Variants in CHD9 observed in about 807,000 individuals in gnomAD.
CHD9 encodes the protein ATP-dependent chromatin remodeler CHD9.
Under a neutral mutation model 316.1 loss-of-function variants are expected in CHD9, and 77 were observed. That is an observed-to-expected ratio of 0.24 (90% CI 0.20 to 0.29). The LOEUF is 0.29. Among genes scored for constraint, CHD9 ranks in the 10% least tolerant of loss-of-function variants. The probability of loss-of-function intolerance (pLI) is 1.00; values close to 1 mark genes in which losing one functional copy is unlikely to be tolerated. For missense variants in CHD9, 2,763 were observed against 3,438.1 expected (o/e 0.80, Z 4.91); for synonymous variants, 1,129 against 1,158.3 (o/e 0.97, Z 0.51).
intron 1 of CHD9, among the ~76,000 whole-genome samples, chr16:53,103,797 C>A (rs1385689457): frequency 4.6e-5 from 7 of 152,044 alleles, no homozygotes; most frequent in Non-Finnish European, 1.0e-4. Context: ...GCTTTTGTAC[C>A]CCTCTTTACC....
At chr16:53,209,358 G>T in intron 2 of CHD9, 124 bp from the exon 3 acceptor site, 1 of 661,834 alleles carries the variant, frequency 1.5e-6, no homozygotes, top group Non-Finnish European at 2.5e-6. Context: ...TTTGTTTGTA[G>T]CACTCACATA....
intron 1 of CHD9, among the ~76,000 whole-genome samples, chr16:53,126,980 G>A (rs922499627): frequency 3.6e-4 from 55 of 150,948 alleles, no homozygotes; most frequent in African/African-American, 1.3e-3. Flanking sequence ...CACCCAGCCA[G>A]GTCTCACTTT....
At chr16:53,211,790 T>C (rs972594811) in intron 3 of CHD9, among the ~76,000 whole-genome samples, 2 of 152,178 alleles carry the variant, frequency 1.3e-5, no homozygotes, top group African/African-American at 4.8e-5. Context: ...AAGGCATAGT[T>C]GGAATAAATG....
chr16:53,075,859 A>G (rs1242864884), intron 1 of CHD9, among the ~76,000 whole-genome samples: 1 of 152,192 alleles, frequency 6.6e-6, no homozygotes, highest in African/African-American at 2.4e-5. Context: ...CCACAGGTAT[A>G]GCTTTTTTAC....
chr16:53,092,025 A>G (rs534323078), intron 1 of CHD9, among the ~76,000 whole-genome samples: 2 of 152,194 alleles, frequency 1.3e-5, no homozygotes, highest in African/African-American at 4.8e-5. Context: ...ATTAAAATGC[A>G]TAGGGCATGT....
chr16:53,067,860 G>A (rs771469560), intron 1 of CHD9, among the ~76,000 whole-genome samples: 11 of 151,698 alleles, frequency 7.3e-5, no homozygotes, highest in Non-Finnish European at 1.3e-4. Context: ...CAGGAGTTTG[G>A]GACTAGCCTG....
intron 12 of CHD9, among the ~76,000 whole-genome samples, chr16:53,241,486 T>C (rs2049090814): frequency 1.3e-5 from 2 of 152,216 alleles, no homozygotes; most frequent in African/African-American, 4.8e-5. Flanking sequence ...TTTCCTAAAT[T>C]CCAGAGTCAT....
At chr16:53,190,831 G>A (rs2044418636) in intron 2 of CHD9, among the ~76,000 whole-genome samples, 1 of 151,964 alleles carries the variant, frequency 6.6e-6, no homozygotes, top group Non-Finnish European at 1.5e-5. Flanking sequence ...ATTTTACTTT[G>A]TAGTCAAATA....
Position 53,209,453 on chromosome 16 carries a change from T to G in CHD9, c.1453-29T>G, listed in dbSNP as rs752305176. 7 of 1,443,674 alleles carry G rather than the reference T, an allele frequency of 4.8e-6. No individual in the cohort carries two copies. The African/African-American group carries it at 8.6e-5, about 18-fold the overall frequency. The allele number at this position is 1,443,674 out of a possible 1,614,324, so 89.4% of individuals were successfully genotyped here. On this transcript the variant is annotated intron_variant, in intron 2 of 38. Coordinates refer to ENST00000447540, the MANE Select transcript of CHD9 (RefSeq NM_001308319.2). ...ATTGTTTTAGATGTACTTTGGTATATTCTATAAAAAATATTTTTGTTTCTG... is the reference window on the plus strand; with the variant it reads ...ATTGTTTTAGATGTACTTTGGTATAGTCTATAAAAAATATTTTTGTTTCTG...
chr16:53,322,978 A>G (rs2057373507), intron 38 of CHD9, among the ~76,000 whole-genome samples: 1 of 152,184 alleles, frequency 6.6e-6, no homozygotes, highest in South Asian at 2.1e-4. Context: ...GAGAAAAAAT[A>G]AGTTGATTCA....
At chr16:53,131,116 C>T (rs1597083139) in intron 1 of CHD9, 1 of 34,548 alleles carries the variant, frequency 2.9e-5, no homozygotes, top group Non-Finnish European at 6.2e-5. Flanking sequence ...GGAGGAAGCC[C>T]GGGGGCACCG....
rs772807076 is a variant in CHD9, at chr16:53,315,052, A to G, written c.7584+8A>G. The G allele has an allele frequency of 6.3e-7, 1 of 1,585,632 alleles. No homozygotes were observed. Among genetic ancestry groups the G allele is most frequent in the African/African-American group, 1.4e-5 (1 of 73,932 alleles). ...TTGGGAGCTTTTATTCCTGTAGGTG[A>G]CACCTTAAAATTCTTGTTATATTTT... On this transcript the variant is annotated splice_region_variant and intron_variant, in intron 36 of 38. Coordinates refer to ENST00000447540, the MANE Select transcript of CHD9 (RefSeq NM_001308319.2).
At chr16:53,086,269 A>G (rs2035453483) in intron 1 of CHD9, among the ~76,000 whole-genome samples, 1 of 152,168 alleles carries the variant, frequency 6.6e-6, no homozygotes, top group Non-Finnish European at 1.5e-5. Flanking sequence ...CTGTTTTCTT[A>G]ACTACCAAGA....
intron 2 of CHD9, among the ~76,000 whole-genome samples, chr16:53,160,938 G>A (rs910132234): frequency 4.6e-5 from 7 of 151,842 alleles, no homozygotes; most frequent in Non-Finnish European, 7.4e-5. Flanking sequence ...GTCTGTTCTC[G>A]ACCAGGTGCC....
At chr16:53,311,566 G>T (rs997069392) in intron 34 of CHD9, 2 of 152,178 alleles carry the variant, frequency 1.3e-5, no homozygotes, top group Admixed American at 1.3e-4. Flanking sequence ...TTTTCCAAAG[G>T]CTGTGCCTTT....
intron 1 of CHD9, among the ~76,000 whole-genome samples, chr16:53,125,676 C>T (rs1358566508): frequency 6.6e-6 from 1 of 152,208 alleles, no homozygotes; most frequent in East Asian, 1.9e-4. Flanking sequence ...AGCTTTCAGT[C>T]AGCCACATGA....
chr16:53,262,316 G>C (rs2051215925), intron 19 of CHD9, among the ~76,000 whole-genome samples: 2 of 152,094 alleles, frequency 1.3e-5, no homozygotes, highest in Admixed American at 1.3e-4. Context: ...AAGAGTTGAA[G>C]TGTTATCTTT....
At chr16:53,116,021 G>A (rs1482799058) in intron 1 of CHD9, among the ~76,000 whole-genome samples, 1 of 152,158 alleles carries the variant, frequency 6.6e-6, no homozygotes, top group Non-Finnish European at 1.5e-5. Flanking sequence ...AGAAAGAGGA[G>A]CGGCAGATCA....
chr16:53,187,514 A>G (rs1421395441), intron 2 of CHD9, among the ~76,000 whole-genome samples: 1 of 152,166 alleles, frequency 6.6e-6, no homozygotes, highest in Non-Finnish European at 1.5e-5. Flanking sequence ...AGAAAAAGAA[A>G]AAAAAGTGTA....
Sources: allele counts gnomAD v4.1 joint callset (sites outside exome capture counted in the v4.1 genomes callset), GRCh38; gene constraint gnomAD v4.1.1; transcripts MANE v1.5; gene names NCBI Gene and HGNC (gene_info 2026-07-23, HGNC 2026-07-21).